Variants in TULP4 observed in about 807,000 individuals in gnomAD.
TULP4 encodes the protein tubby-related protein 4.
Under a neutral mutation model 129.0 loss-of-function variants are expected in TULP4, and 16 were observed. That is an observed-to-expected ratio of 0.12 (90% CI 0.08 to 0.19). The LOEUF is 0.19. Among genes scored for constraint, TULP4 ranks in the 10% least tolerant of loss-of-function variants. The probability of loss-of-function intolerance (pLI) is 1.00; values close to 1 mark genes in which losing one functional copy is unlikely to be tolerated. For missense variants in TULP4, 1,842 were observed against 2,059.1 expected (o/e 0.89, Z 2.04); for synonymous variants, 998 against 854.0 (o/e 1.17, Z -2.94).
intron 1 of TULP4, among the ~76,000 whole-genome samples, chr6:158,254,829 T>C (rs1055465000): frequency 2.0e-5 from 3 of 152,182 alleles, no homozygotes; most frequent in African/African-American, 4.8e-5. Context: ...CCCAGCACTT[T>C]GGGAGGCTGA....
Position 158,448,079 on chromosome 6 carries a change from C to T in TULP4, c.544-917C>T, listed in dbSNP as rs541831435. 5.9e-5 allele frequency among the ~76,000 whole-genome samples: 9 copies of T among 152,232 alleles called. No individual in the cohort carries two copies. In the South Asian group the frequency reaches 1.5e-3, roughly 25 times the overall value. ...ACTAGTGTTGTTGGTTGGTTGGTGG[C>T]GGCAGGGGGGATGTTCAGCAGCTGT... On this transcript the variant is annotated intron_variant, in intron 3 of 13. Transcript: ENST00000367097.
chr6:158,313,915 A>T lies in TULP4; in HGVS notation c.-102A>T. ...TCTTAATTAAAGGGGGAAAAAAGCAACGCAAGCCAACCACAAAAACACATA... is the reference window on the plus strand; with the variant it reads ...TCTTAATTAAAGGGGGAAAAAAGCATCGCAAGCCAACCACAAAAACACATA... On this transcript the variant is annotated 5_prime_UTR_variant, in exon 1 of 14. Transcript: ENST00000367097. 1 of 1,408,536 alleles carries T rather than the reference A, an allele frequency of 7.1e-7. No individual in the cohort carries two copies. Among genetic ancestry groups the T allele is most frequent in the Non-Finnish European group, 9.5e-7 (1 of 1,051,918 alleles). The allele number at this position is 1,408,536 out of a possible 1,614,324, so 87.3% of individuals were successfully genotyped here.
At chr6:158,376,615 C>T (rs766332850) in intron 1 of TULP4, among the ~76,000 whole-genome samples, 6 of 152,150 alleles carry the variant, frequency 3.9e-5, no homozygotes, top group Non-Finnish European at 8.8e-5. Context: ...TGAAGAAGAG[C>T]GTGTGGAGTG....
intron 1 of TULP4, among the ~76,000 whole-genome samples, chr6:158,365,899 CTTTTTT>C (rs5881257): frequency 2.1e-4 from 12 of 57,562 alleles, no homozygotes; most frequent in Non-Finnish European, 2.6e-4. Flanking sequence ...CTTTTTCTTT[CTTTTTT>C]TTTTTTTTTT....
chr6:158,313,088 C>G lies in TULP4; in HGVS notation c.-929C>G, dbSNP rs1562515871. On this transcript the variant is annotated 5_prime_UTR_variant, in exon 1 of 14. Transcript: ENST00000367097. ...GACGAGCAAAAGAAACAAAATCTTG[C>G]CACGTGGCTCTGTTTTGTCAGCAAG... is the stretch of plus-strand genomic sequence containing the variant. 1 of 173,110 alleles carries G rather than the reference C, an allele frequency of 5.8e-6. No individual in the cohort carries two copies. Among genetic ancestry groups the G allele is most frequent in the Non-Finnish European group, 1.2e-5 (1 of 82,262 alleles). The allele number at this position is 173,110 out of a possible 1,614,324, so 10.7% of individuals were successfully genotyped here. A position where few individuals can be genotyped will look rare whatever the true frequency, so the allele number is the denominator to read the frequency against.
chr6:158,308,286 C>G (rs1196271019), upstream of TULP4, among the ~76,000 whole-genome samples: 5 of 150,536 alleles, frequency 3.3e-5, no homozygotes, highest in Non-Finnish European at 5.9e-5. Context: ...TGAGTGGACA[C>G]AGCACATGTT....
chr6:158,282,541 C>T (rs532904653), intron 1 of TULP4, among the ~76,000 whole-genome samples: 2 of 151,118 alleles, frequency 1.3e-5, no homozygotes, highest in South Asian at 4.2e-4. Flanking sequence ...TCCTGCTACC[C>T]GGTGTCTACT....
In TULP4 at chr6:158,396,451, A is replaced by G. The variant is rs188365895; in HGVS notation, c.253-16614A>G. Among the ~76,000 whole-genome samples the G allele has an allele frequency of 2.5e-3, 377 of 152,286 alleles. 1 individual carries two copies. The highest frequency in any genetic ancestry group is 8.7e-3 in the African/African-American group (361 of 41,548). On this transcript the variant is annotated intron_variant, in intron 1 of 13. Coordinates refer to ENST00000367097, the MANE Select transcript of TULP4 (RefSeq NM_020245.5). ...TCAAATCAAATAAGTAACATAATCA[A>G]CTTTTGGTTTCCTTACCTCAGGTGC...
intron 1 of TULP4, among the ~76,000 whole-genome samples, chr6:158,314,933 G>A (rs1779454856): frequency 6.6e-6 from 1 of 152,184 alleles, no homozygotes; most frequent in African/African-American, 2.4e-5. Context: ...AACATTTATT[G>A]AGCAATACTT....
At chr6:158,479,312 A>G (rs1779886563) in intron 6 of TULP4, among the ~76,000 whole-genome samples, 1 of 152,208 alleles carries the variant, frequency 6.6e-6, no homozygotes, top group East Asian at 1.9e-4. Flanking sequence ...CTTACTACCC[A>G]GAGCTCAGTT....
At chr6:158,415,131 G>C (rs1008921718) in intron 2 of TULP4, among the ~76,000 whole-genome samples, 2 of 152,120 alleles carry the variant, frequency 1.3e-5, no homozygotes, top group African/African-American at 4.8e-5. Context: ...ATCTCATAAG[G>C]TTGTAATGGA....
At chr6:158,330,911 CT>C (rs1373931799) in intron 1 of TULP4, among the ~76,000 whole-genome samples, 4 of 151,514 alleles carry the variant, frequency 2.6e-5, no homozygotes, top group African/African-American at 4.9e-5. Context: ...TCCCTTTTTT[CT>C]TTTGTTTTTG....
At chr6:158,451,379 C>T (rs576610246) in intron 4 of TULP4, among the ~76,000 whole-genome samples, 4 of 152,342 alleles carry the variant, frequency 2.6e-5, no homozygotes, top group African/African-American at 9.6e-5. Context: ...GTAGGCCCAC[C>T]TCGATGGCTG....
At chr6:158,478,887 C>G (rs540442999) in intron 6 of TULP4, among the ~76,000 whole-genome samples, 1 of 152,130 alleles carries the variant, frequency 6.6e-6, no homozygotes, top group East Asian at 1.9e-4. Context: ...ATGACCCTAG[C>G]GAGGCTACCA....
At chr6:158,351,618 C>A (rs1343866643) in intron 1 of TULP4, among the ~76,000 whole-genome samples, 1 of 150,522 alleles carries the variant, frequency 6.6e-6, no homozygotes, top group Non-Finnish European at 1.5e-5. Context: ...AACTTAGACA[C>A]CTTATGTAAC....
chr6:158,398,298 C>G (rs1359153529), intron 1 of TULP4, among the ~76,000 whole-genome samples: 1 of 152,202 alleles, frequency 6.6e-6, no homozygotes, highest in Non-Finnish European at 1.5e-5. Flanking sequence ...TATAAATCCC[C>G]TAGTACATAC....
At chr6:158,434,006 C>G (rs1311894939) in intron 3 of TULP4, among the ~76,000 whole-genome samples, 1 of 152,168 alleles carries the variant, frequency 6.6e-6, no homozygotes. Flanking sequence ...CTCCTGAGGC[C>G]TGTCTCCTTG....
At chr6:158,334,196 A>G (rs1418178698) in intron 1 of TULP4, among the ~76,000 whole-genome samples, 1 of 152,220 alleles carries the variant, frequency 6.6e-6, no homozygotes, top group African/African-American at 2.4e-5. Flanking sequence ...AAATGGCACT[A>G]GTGATGCTGG....
intron 1 of TULP4, chr6:158,238,261 T>C: frequency 8.8e-7 from 1 of 1,130,234 alleles, no homozygotes; most frequent in Non-Finnish European, 1.3e-6. Flanking sequence ...GAAGCAGCTC[T>C]ATTGCTTTTG....
Sources: allele counts gnomAD v4.1 joint callset (sites outside exome capture counted in the v4.1 genomes callset), GRCh38; gene constraint gnomAD v4.1.1; transcripts MANE v1.5; gene names NCBI Gene and HGNC (gene_info 2026-07-23, HGNC 2026-07-21).